PKD1L3: variants seen among roughly 807,000 people sequenced by gnomAD.
The protein encoded by PKD1L3 is polycystin 1 like 3, transient receptor potential channel interacting.
PKD1L3 carries 239 observed loss-of-function variants against 184.1 expected under a neutral mutation model. The observed-to-expected ratio is 1.30, with a 90% CI of 1.17 to 1.45. The LOEUF (loss-of-function observed/expected upper bound fraction) is 1.45. Among genes scored for constraint, PKD1L3 ranks in the 40% most tolerant of loss-of-function variants. The probability of loss-of-function intolerance (pLI) is 0.00; values close to 1 mark genes in which losing one functional copy is unlikely to be tolerated. For synonymous variants in PKD1L3, 996 were observed against 778.8 expected (o/e 1.28, Z -4.64); for missense variants, 2,660 against 2,067.2 (o/e 1.29, Z -5.56).
intron 27 of PKD1L3, 125 bp downstream of exon 27, chr16:71,933,790 G>T (rs2038076079): frequency 1.3e-5 from 14 of 1,071,072 alleles, no homozygotes; most frequent in Non-Finnish European, 1.9e-5. Flanking sequence ...TGTGGAACTA[G>T]ATCTAAACCC....
At chr16:71,998,526 C>T in intron 1 of PKD1L3, 132 bp from the exon 2 acceptor site, 2 of 1,220,302 alleles carry the variant, frequency 1.6e-6, no homozygotes, top group Non-Finnish European at 2.2e-6. Flanking sequence ...TCTTCACTCA[C>T]TGCAATCTCT....
rs1009872899 is a variant in PKD1L3 at position 71,935,472 on chromosome 16, C to T, written c.4499G>A (p.Arg1500Lys). ...QQKWRFFTGK[R>K]NILDTSIILI... ...GATTATACTTGTGTCCAGAATGTTTCTTTTCCCAGTGAAGAACCTCCACTT... is the reference window on the plus strand; with the variant it reads ...GATTATACTTGTGTCCAGAATGTTTTTTTTCCCAGTGAAGAACCTCCACTT... Residue 1500 changes from arginine to lysine, a missense_variant, in exon 26 of 30, where the codon AGA becomes AAA. By Grantham distance (26) the Arg-to-Lys change is conservative (BLOSUM62 2). Transcript: ENST00000620267. 1 of 1,552,124 alleles carries T rather than the reference C, an allele frequency of 6.4e-7. No individual in the cohort carries two copies. Among genetic ancestry groups the T allele is most frequent in the African/African-American group, 1.4e-5 (1 of 73,034 alleles).
At chr16:71,997,281 G>GT (rs138963813) in intron 2 of PKD1L3, among the ~76,000 whole-genome samples, 6,416 of 148,250 alleles carry the variant, frequency 0.043, 362 homozygotes, top group African/African-American at 0.14. Context: ...TATGGTAGTT[G>GT]TTTTTTTTTT....
intron 15 of PKD1L3, among the ~76,000 whole-genome samples, chr16:71,965,419 A>G (rs1321634894): frequency 2.6e-5 from 4 of 152,110 alleles, no homozygotes; most frequent in Admixed American, 1.3e-4. Context: ...TCTGGGTCAC[A>G]TGGTCAGTGT....
Position 71,954,266 on chromosome 16 carries a change from G to A in PKD1L3, c.2648C>T (p.Thr883Ile), listed in dbSNP as rs373820790. ...AATTGAAAGCCACAGATAATCCTGGGTGAACTTTTCCACAATCATGGAGGA... is the reference window on the plus strand; with the variant it reads ...AATTGAAAGCCACAGATAATCCTGGATGAACTTTTCCACAATCATGGAGGA... ...LFSSMIVEKF[T>I]QDYLWLSIAT... Residue 883 changes from threonine (T) to isoleucine (I), a missense_variant, in exon 17 of 30, where the codon ACC becomes ATC. By Grantham distance (89) the Thr-to-Ile change is moderately conservative. Coordinates refer to ENST00000620267, the MANE Select transcript of PKD1L3 (RefSeq NM_181536.2). The A allele has an allele frequency of 6.5e-7, 1 of 1,546,612 alleles. No homozygotes were observed. The highest frequency in any genetic ancestry group is 8.7e-7 in the Non-Finnish European group (1 of 1,145,360).
At chr16:71,977,114 A>G in intron 11 of PKD1L3, 122 bp downstream of exon 11, 1 of 745,762 alleles carries the variant, frequency 1.3e-6, no homozygotes, top group Non-Finnish European at 2.2e-6. Context: ...TTAAGAGGCT[A>G]AGGCAGGAGG....
intron 21 of PKD1L3, among the ~76,000 whole-genome samples, chr16:71,947,985 C>G (rs975365313): frequency 1.3e-5 from 2 of 150,894 alleles, no homozygotes; most frequent in African/African-American, 4.9e-5. Context: ...GGCGCAATCT[C>G]GGCTCACTGC....
chr16:71,985,530 C>A (rs909490637), intron 5 of PKD1L3, among the ~76,000 whole-genome samples: 1 of 152,126 alleles, frequency 6.6e-6, no homozygotes, highest in African/African-American at 2.4e-5. Flanking sequence ...GCAACCCTCC[C>A]ACCTCAGCCC....
At chr16:71,943,361 AC>A (rs762460486) in intron 23 of PKD1L3, among the ~76,000 whole-genome samples, 20 of 150,888 alleles carry the variant, frequency 1.3e-4, no homozygotes, top group African/African-American at 4.1e-4. Context: ...ACATAGTAAA[AC>A]CCCCCCATCT....
At position 71,979,879 on chromosome 16, in the gene PKD1L3, G is replaced by T. The variant is rs1433691586; in HGVS notation, c.1305C>A (p.Tyr435Ter). Residue 435 changes from tyrosine (Y) to a stop codon, truncating the protein, a stop_gained, in exon 9 of 30, where the codon TAC (tyrosine) becomes TAA (stop). Transcript: ENST00000620267. LOFTEE classifies it high-confidence loss of function. ...TCACAGGGGCTGGGTGACCCAGAGT[G>T]TAAGAGCTCAGCGGTAAAGTTGATA... ...QNISTLPLSSYTLGHPAPVRL... is the reference protein window; with the variant it reads ...QNISTLPLSS 15 of 1,547,400 alleles carry T rather than the reference G, an allele frequency of 9.7e-6. No homozygotes were observed. The highest frequency in any genetic ancestry group is 2.4e-5 in the East Asian group (1 of 40,912).
At chr16:71,971,032 T>G (rs1480519810) in intron 12 of PKD1L3, among the ~76,000 whole-genome samples, 3 of 152,218 alleles carry the variant, frequency 2.0e-5, no homozygotes, top group Non-Finnish European at 2.9e-5. Flanking sequence ...TGTTCACTGC[T>G]GTGTCTCTAG....
rs1170781447 is a variant in PKD1L3, at chr16:71,929,581, G to T, written c.5156C>A (p.Thr1719Lys). 4 of 1,551,668 alleles carry T rather than the reference G, an allele frequency of 2.6e-6. No homozygotes were observed. In the African/African-American group the frequency reaches 4.1e-5, roughly 16 times the overall value. Residue 1719 changes from threonine (T) to lysine (K), a missense_variant, in exon 30 of 30, where the codon ACA (threonine) becomes AAA (lysine). Thr to Lys is a moderately conservative substitution (Grantham distance 78). Coordinates refer to ENST00000620267, the MANE Select transcript of PKD1L3 (RefSeq NM_181536.2). ...AACTTCAGTGTCACTGCCCACTGCT[G>T]TCGTGGCTGCTTGCTCAGATGAGGT... Reference protein sequence around the residue: ...QKTSSEQAATTAVGSDTEVLD... With the variant: ...QKTSSEQAATKAVGSDTEVLD...
Position 71,979,891 on chromosome 16 carries a change from C to G in PKD1L3, c.1293G>C (p.Pro431=), listed in dbSNP as rs369184205. The part of the protein sequence containing the change: ...LLSRQNISTL[P]LSSYTLGHPA... Reference sequence around the variant, plus strand: ...GGTGACCCAGAGTGTAAGAGCTCAGCGGTAAAGTTGATATGTTTTGTCTAA... The same window carrying G: ...GGTGACCCAGAGTGTAAGAGCTCAGGGGTAAAGTTGATATGTTTTGTCTAA... The change falls in exon 9 of 30, where the codon CCG becomes CCC. Residue 431 remains proline, a synonymous_variant. Transcript: ENST00000620267. 8 of 1,549,474 alleles carry G rather than the reference C, an allele frequency of 5.2e-6. No homozygotes were observed. The African/African-American group carries it at 9.6e-5, about 19-fold the overall frequency.
chr16:71,961,090 TGA>T (rs1470417751), intron 16 of PKD1L3, among the ~76,000 whole-genome samples: 8 of 152,124 alleles, frequency 5.3e-5, no homozygotes, highest in Admixed American at 2.0e-4. Context: ...CACTTCTTGC[TGA>T]GAGTCCATGA....
At position 71,950,124 on chromosome 16, in the gene PKD1L3, G is replaced by A. The variant is rs1322098903; in HGVS notation, c.3377C>T (p.Pro1126Leu). The A allele has an allele frequency of 6.4e-7, 1 of 1,551,506 alleles. No individual in the cohort carries two copies. The highest frequency in any genetic ancestry group is 1.4e-5 in the African/African-American group (1 of 73,006). ...ETHILPTEQE[P>L]SREVTSFAIL... is the part of the protein sequence containing the mutation. ...GCTTGGTGTGGTGCATTACCTGGAT[G>A]GCTCTTGCTCCGTGGGAAGAATATG... The change falls in exon 20 of 30, where the codon CCA (proline) becomes CTA (leucine). Residue 1126 changes from proline to leucine, a missense_variant. Physicochemically the swap from Pro to Leu is moderately conservative, Grantham distance 98. Transcript: ENST00000620267.
intron 6 of PKD1L3, among the ~76,000 whole-genome samples, chr16:71,983,458 G>C (rs2040236226): frequency 6.6e-6 from 1 of 152,044 alleles, no homozygotes; most frequent in Non-Finnish European, 1.5e-5. Context: ...AATGCCGACA[G>C]ACTTCTAACA....
rs145603075 is a variant in PKD1L3, at chr16:71,932,134, C to G, written c.4926+1286G>C. ...ATTGGTTGAATCTGTGGATGCAGAC[C>G]CTGCAGATACAACATTAGAAACTGA... On this transcript the variant is annotated intron_variant, in intron 28 of 29. Transcript: ENST00000620267. 4.4e-3 allele frequency among the ~76,000 whole-genome samples: 662 copies of G among 152,150 alleles called. 9 individuals carry two copies. Among genetic ancestry groups the G allele is most frequent in the African/African-American group, 0.015 (617 of 41,488 alleles).
intron 16 of PKD1L3, among the ~76,000 whole-genome samples, chr16:71,954,934 C>T (rs1034398006): frequency 2.0e-5 from 3 of 152,036 alleles, no homozygotes; most frequent in African/African-American, 7.2e-5. Context: ...AAGGGAGGGA[C>T]AAAGCCAACT....
chr16:71,978,475 ATGTG>A lies in PKD1L3; in HGVS notation c.1399-96_1399-93del, dbSNP rs67658205. ...ATATATCATATATACATATGTATAT[ATGTG>A]TGTGTGTGTGTGTGTGTATATATAT... On this transcript the variant is annotated intron_variant, in intron 9 of 29. Coordinates refer to ENST00000620267, the MANE Select transcript of PKD1L3 (RefSeq NM_181536.2). 1.3e-5 allele frequency: 5 copies of A among 385,428 alleles called. No individual in the cohort carries two copies. The Admixed American group carries it at 1.8e-4, about 14-fold the overall frequency. The allele number at this position is 385,428 out of a possible 1,614,324, so 23.9% of individuals were successfully genotyped here. A position where few individuals can be genotyped will look rare whatever the true frequency, so the allele number is the denominator to read the frequency against.
Sources: gnomAD v4.1 joint callset for allele counts (sites outside exome capture counted in the v4.1 genomes callset) on GRCh38, gnomAD v4.1.1 for gene constraint, MANE v1.5 for transcripts, NCBI Gene and HGNC (gene_info 2026-07-23, HGNC 2026-07-21) for gene names.